IL1RAPL1: variants seen among roughly 807,000 people sequenced by gnomAD.
The protein encoded by IL1RAPL1 is interleukin 1 receptor accessory protein like 1.
A neutral mutation model predicts 48.4 loss-of-function variants in IL1RAPL1; 3 were observed. That is an observed-to-expected ratio of 0.06 (90% CI 0.03 to 0.16). The LOEUF is 0.16. Among genes scored for constraint, IL1RAPL1 ranks in the 10% least tolerant of loss-of-function variants. The pLI, the probability that IL1RAPL1 is intolerant of heterozygous loss-of-function variation, is 1.00. For missense variants in IL1RAPL1, 349 were observed against 530.6 expected (o/e 0.66, Z 3.36); for synonymous variants, 185 against 187.7 (o/e 0.99, Z 0.12).
intron 1 of IL1RAPL1, among the ~76,000 whole-genome samples, chrX:28,650,780 T>C (rs896691325): frequency 1.3e-4 from 15 of 112,060 alleles, no homozygotes; most frequent in African/African-American, 4.5e-4. Flanking sequence ...AGACATCTGC[T>C]ACTAAAAGTA....
intron 6 of IL1RAPL1, among the ~76,000 whole-genome samples, chrX:29,877,609 A>T (rs1051740882): frequency 2.0e-4 from 22 of 111,843 alleles, no homozygotes; most frequent in Non-Finnish European, 5.7e-5. Flanking sequence ...AGAAGACATT[A>T]GGCACATTTA....
intron 2 of IL1RAPL1, among the ~76,000 whole-genome samples, chrX:28,915,943 GTATA>G (rs61698059): frequency 2.0e-5 from 2 of 102,250 alleles, no homozygotes; most frequent in Non-Finnish European, 4.0e-5. Flanking sequence ...ATATGTATGT[GTATA>G]TATATATATA....
At chrX:28,665,537 C>A in intron 1 of IL1RAPL1, among the ~76,000 whole-genome samples, 1 of 110,556 alleles carries the variant, frequency 9.0e-6, no homozygotes, top group Non-Finnish European at 1.9e-5. Flanking sequence ...GTCACCCAGG[C>A]TGGAGTGCAG....
At chrX:29,454,264 T>C (rs754035293) in intron 5 of IL1RAPL1, among the ~76,000 whole-genome samples, 112 of 112,452 alleles carry the variant, frequency 1.0e-3, no homozygotes, top group Non-Finnish European at 1.7e-3. Context: ...AAGCTGAAGA[T>C]CTGGAAATAG....
At chrX:29,176,133 G>A (rs374496671) in intron 2 of IL1RAPL1, among the ~76,000 whole-genome samples, 3 of 89,066 alleles carry the variant, frequency 3.4e-5, no homozygotes, top group Non-Finnish European at 4.2e-5. Flanking sequence ...TTGCTCTGCC[G>A]CCCAGGCTGA....
At chrX:29,013,835 A>ACCTGCACAT (rs1174906487) in intron 2 of IL1RAPL1, among the ~76,000 whole-genome samples, 2 of 110,842 alleles carry the variant, frequency 1.8e-5, no homozygotes, top group Non-Finnish European at 3.8e-5. Context: ...TATGTAACAA[A>ACCTGCACAT]CCTGCACATC....
At chrX:29,857,878 C>T (rs1272122970) in intron 6 of IL1RAPL1, among the ~76,000 whole-genome samples, 3 of 111,690 alleles carry the variant, frequency 2.7e-5, no homozygotes, top group Non-Finnish European at 5.7e-5. Context: ...GTTATTTTCA[C>T]AAGGTCTGTT....
chrX:29,862,922 C>T (rs1333785889), intron 6 of IL1RAPL1, among the ~76,000 whole-genome samples: 1 of 100,532 alleles, frequency 9.9e-6, no homozygotes, highest in African/African-American at 3.8e-5. Context: ...AGGTGATTGC[C>T]GTGGTTACCT....
At chrX:29,928,614 GCATCCTTA>G (rs1932912890) in intron 8 of IL1RAPL1, among the ~76,000 whole-genome samples, 1 of 111,997 alleles carries the variant, frequency 8.9e-6, no homozygotes, top group Admixed American at 9.5e-5. Context: ...ACTGGGTTAG[GCATCCTTA>G]CTAGTGGACT....
chrX:28,707,184 G>A (rs1020291324), intron 1 of IL1RAPL1, among the ~76,000 whole-genome samples: 10 of 112,137 alleles, frequency 8.9e-5, no homozygotes, highest in Admixed American at 9.5e-5. Context: ...CTGCCTGAGG[G>A]GTTTTGTTCC....
chrX:29,012,011 C>T (rs1483497396), intron 2 of IL1RAPL1, among the ~76,000 whole-genome samples: 3 of 111,654 alleles, frequency 2.7e-5, no homozygotes, highest in Non-Finnish European at 3.8e-5. Context: ...CCAGAGAGAC[C>T]GACATTATAT....
chrX:28,927,298 A>T (rs780362728), intron 2 of IL1RAPL1, among the ~76,000 whole-genome samples: 1 of 111,618 alleles, frequency 9.0e-6, no homozygotes, highest in South Asian at 3.8e-4. Flanking sequence ...GATTTCATTT[A>T]CTTTTAACTT....
chrX:28,858,354 G>A (rs1021013429), intron 2 of IL1RAPL1, among the ~76,000 whole-genome samples: 1 of 111,667 alleles, frequency 9.0e-6, no homozygotes, highest in Non-Finnish European at 1.9e-5. Context: ...AAGTTCTATG[G>A]GTAAAATCTT....
At chrX:28,607,908 T>C (rs1457211928) in intron 1 of IL1RAPL1, among the ~76,000 whole-genome samples, 3 of 111,349 alleles carry the variant, frequency 2.7e-5, no homozygotes, top group Non-Finnish European at 5.6e-5. Context: ...TGAGGGTATC[T>C]GAAAAGAATT....
intron 2 of IL1RAPL1, among the ~76,000 whole-genome samples, chrX:29,074,884 C>G (rs1021728892): frequency 8.9e-6 from 1 of 111,926 alleles, no homozygotes; most frequent in Non-Finnish European, 1.9e-5. Context: ...CCCTCATTTT[C>G]TCATTATTAG....
intron 2 of IL1RAPL1, among the ~76,000 whole-genome samples, chrX:28,826,394 T>A (rs1936995212): frequency 8.9e-6 from 1 of 111,792 alleles, no homozygotes. Context: ...TGACAGAACC[T>A]ACCTCCTTAA....
chrX:29,143,615 G>A (rs773854819), intron 2 of IL1RAPL1, among the ~76,000 whole-genome samples: 1 of 111,865 alleles, frequency 8.9e-6, no homozygotes, highest in South Asian at 3.8e-4. Flanking sequence ...TCACTTAGTA[G>A]CAGGCTAGGT....
chrX:28,620,136 G>C (rs1185370756), intron 1 of IL1RAPL1, among the ~76,000 whole-genome samples: 1 of 110,314 alleles, frequency 9.1e-6, no homozygotes, highest in East Asian at 2.8e-4. Context: ...TTGACCATAG[G>C]CACTCTCTTT....
chrX:29,358,372 T>C (rs745427121), intron 3 of IL1RAPL1, among the ~76,000 whole-genome samples: 1 of 110,243 alleles, frequency 9.1e-6, no homozygotes, highest in South Asian at 3.9e-4. Flanking sequence ...ATTGTCTGTG[T>C]CTCTATCTCT....
Sources: allele counts gnomAD v4.1 joint callset (sites outside exome capture counted in the v4.1 genomes callset), GRCh38; gene constraint gnomAD v4.1.1; transcripts MANE v1.5; gene names NCBI Gene and HGNC (gene_info 2026-07-23, HGNC 2026-07-21).